The following TENM2 variants were observed in gnomAD, a reference collection of about 807,000 sequenced individuals.
TENM2 encodes teneurin transmembrane protein 2, also known as teneurin-2.
TENM2 carries 52 observed loss-of-function variants against 245.2 expected under a neutral mutation model. The observed-to-expected ratio is 0.21, with a 90% CI of 0.17 to 0.27. The LOEUF is 0.27. Among genes scored for constraint, TENM2 ranks in the 10% least tolerant of loss-of-function variants. The pLI is 1.00. For synonymous variants in TENM2, 1,363 were observed against 1,438.9 expected (o/e 0.95, Z 1.19); for missense variants, 3,046 against 3,666.8 (o/e 0.83, Z 4.37).
chr5:167,344,480 A>AT (rs1024770812), intron 1 of TENM2, among the ~76,000 whole-genome samples: 96 of 152,086 alleles, frequency 6.3e-4, no homozygotes, highest in African/African-American at 2.3e-3. Flanking sequence ...TTGGAACCAA[A>AT]TGTACTAAGG....
At chr5:168,197,699 C>CAAAAA (rs71593165) in intron 15 of TENM2, among the ~76,000 whole-genome samples, 1 of 83,708 alleles carries the variant, frequency 1.2e-5, no homozygotes, top group African/African-American at 3.9e-5. Flanking sequence ...GACTCCATCC[C>CAAAAA]AAAAAAAAAA....
At chr5:167,345,913 G>GTA (rs1444796068) in intron 1 of TENM2, among the ~76,000 whole-genome samples, 1 of 135,244 alleles carries the variant, frequency 7.4e-6, no homozygotes, top group Non-Finnish European at 1.6e-5. Flanking sequence ...AAAAAAACAA[G>GTA]TAATCAGTGA....
chr5:167,064,292 G>T, the TENM2 span, among the ~76,000 whole-genome samples: 1 of 152,030 alleles, frequency 6.6e-6, no homozygotes, highest in East Asian at 1.9e-4. Context: ...AAACTTCCAC[G>T]GCCCAATTTG....
intron 2 of TENM2, among the ~76,000 whole-genome samples, chr5:167,847,580 C>T (rs1770164017): frequency 2.0e-5 from 3 of 152,224 alleles, no homozygotes; most frequent in Admixed American, 2.0e-4. Context: ...CTCCAGTTCT[C>T]CTGAGAATCC....
At chr5:167,998,244 C>G (rs1784195395) in intron 5 of TENM2, among the ~76,000 whole-genome samples, 1 of 152,180 alleles carries the variant, frequency 6.6e-6, no homozygotes, top group African/African-American at 2.4e-5. Context: ...AAATTATCAC[C>G]TGTTTTTAGA....
At chr5:167,464,933 A>G (rs1766548057) in intron 2 of TENM2, among the ~76,000 whole-genome samples, 1 of 152,228 alleles carries the variant, frequency 6.6e-6, no homozygotes, top group Non-Finnish European at 1.5e-5. Flanking sequence ...CATGCATAGT[A>G]TGTACAGTTA....
chr5:168,101,966 C>A (rs191610831), intron 9 of TENM2, among the ~76,000 whole-genome samples: 1 of 152,256 alleles, frequency 6.6e-6, no homozygotes, highest in East Asian at 1.9e-4. Flanking sequence ...TTTATTATTT[C>A]TGGCAATTTC....
At chr5:167,960,656 G>A (rs1780941800) in intron 4 of TENM2, among the ~76,000 whole-genome samples, 1 of 152,158 alleles carries the variant, frequency 6.6e-6, no homozygotes, top group Non-Finnish European at 1.5e-5. Context: ...GATCTGCTGA[G>A]CTAAACCACT....
intron 2 of TENM2, among the ~76,000 whole-genome samples, chr5:167,700,838 T>C (rs1421506060): frequency 6.6e-6 from 1 of 151,986 alleles, no homozygotes; most frequent in East Asian, 1.9e-4. Flanking sequence ...GTATCGATTC[T>C]ATGTTCAGTA....
At chr5:167,692,438 A>C (rs931991831) in intron 2 of TENM2, among the ~76,000 whole-genome samples, 4 of 152,110 alleles carry the variant, frequency 2.6e-5, no homozygotes, top group African/African-American at 9.7e-5. Flanking sequence ...AGGAATCTGT[A>C]TTTTTAATTA....
chr5:168,049,240 A>G (rs1415836758), intron 6 of TENM2, among the ~76,000 whole-genome samples: 1 of 152,190 alleles, frequency 6.6e-6, no homozygotes, highest in Admixed American at 6.5e-5. Flanking sequence ...ATGAAGAATT[A>G]TCTCCTTTCA....
intron 12 of TENM2, among the ~76,000 whole-genome samples, chr5:168,127,231 T>C (rs138744492): frequency 6.6e-6 from 1 of 152,298 alleles, no homozygotes; most frequent in East Asian, 1.9e-4. Context: ...GAAATGCACA[T>C]GCATGGGAAA....
At chr5:168,005,752 T>G (rs1177919170) in intron 5 of TENM2, among the ~76,000 whole-genome samples, 4 of 152,164 alleles carry the variant, frequency 2.6e-5, no homozygotes, top group African/African-American at 7.2e-5. Context: ...TTGTGTTGTA[T>G]AGATAATGGT....
At chr5:167,227,597 T>C in the TENM2 span, among the ~76,000 whole-genome samples, 5 of 152,184 alleles carry the variant, frequency 3.3e-5, no homozygotes, top group Non-Finnish European at 7.3e-5. Context: ...TCTTTCCTGG[T>C]CTGTAAGGTT....
At position 167,688,701 on chromosome 5, in the gene TENM2, T is replaced by C. The variant is rs1757233686; in HGVS notation, c.503-187285T>C. On this transcript the variant is annotated intron_variant, in intron 2 of 28. Transcript: ENST00000518659. Reference sequence around the variant, plus strand: ...TAAAATATTGCATTTTCTGTAGCAGTTTTTACATAAAGCTTCCACCTTAAA... The same window carrying C: ...TAAAATATTGCATTTTCTGTAGCAGCTTTTACATAAAGCTTCCACCTTAAA... 2.0e-5 allele frequency among the ~76,000 whole-genome samples: 3 copies of C among 152,180 alleles called. No individual in the cohort carries two copies. In the South Asian group the frequency reaches 6.2e-4, roughly 32 times the overall value.
intron 3 of TENM2, among the ~76,000 whole-genome samples, chr5:167,932,111 G>GA (rs1778335735): frequency 6.6e-6 from 1 of 152,224 alleles, no homozygotes; most frequent in Non-Finnish European, 1.5e-5. Flanking sequence ...GCAGGTGCAG[G>GA]AGGGGGAGAG....
chr5:167,758,079 T>C (rs985077032), intron 2 of TENM2, among the ~76,000 whole-genome samples: 2 of 152,162 alleles, frequency 1.3e-5, no homozygotes, highest in Non-Finnish European at 1.5e-5. Context: ...GGGTTGTCTT[T>C]TATACTTTCC....
At chr5:167,476,629 C>G (rs1263560982) in intron 2 of TENM2, among the ~76,000 whole-genome samples, 2 of 152,090 alleles carry the variant, frequency 1.3e-5, no homozygotes, top group Non-Finnish European at 2.9e-5. Context: ...TGGAGTTTCA[C>G]TCTTTGTTGC....
At chr5:167,268,873 C>CATACATAGATAG in the TENM2 span, among the ~76,000 whole-genome samples, 1 of 139,494 alleles carries the variant, frequency 7.2e-6, no homozygotes, top group East Asian at 2.2e-4. Flanking sequence ...CCAAAAGATA[C>CATACATAGATAG]ATAGATAGAT....
Sources: gnomAD v4.1 joint callset for allele counts (sites outside exome capture counted in the v4.1 genomes callset) on GRCh38, gnomAD v4.1.1 for gene constraint, MANE v1.5 for transcripts, NCBI Gene and HGNC (gene_info 2026-07-23, HGNC 2026-07-21) for gene names.